The following GRM3 variants were observed in gnomAD, a reference collection of about 807,000 sequenced individuals.
GRM3 encodes the protein glutamate metabotropic receptor 3.
A neutral mutation model predicts 70.5 loss-of-function variants in GRM3; 26 were observed. That is an observed-to-expected ratio of 0.37 (90% CI 0.27 to 0.51). GRM3 has a LOEUF of 0.51. GRM3 is among the 20% of genes least tolerant of loss of function. The probability of loss-of-function intolerance (pLI) is 0.93; values close to 1 mark genes in which losing one functional copy is unlikely to be tolerated. For synonymous variants in GRM3, 443 were observed against 434.9 expected (o/e 1.02, Z -0.23); for missense variants, 859 against 1,123.8 (o/e 0.76, Z 3.37).
chr7:86,759,324 A>G (rs1420030091), intron 1 of GRM3, among the ~76,000 whole-genome samples: 2 of 152,186 alleles, frequency 1.3e-5, no homozygotes, highest in African/African-American at 4.8e-5. Context: ...ACAAAGTCAG[A>G]TCAAAGATAT....
At chr7:86,767,516 TATA>T (rs1796631594) in intron 2 of GRM3, among the ~76,000 whole-genome samples, 2 of 1,056 alleles carry the variant, frequency 1.9e-3, no homozygotes, top group Admixed American at 0.013. Context: ...TCATACTTCA[TATA>T]TATATATATA....
At chr7:86,743,014 T>C (rs759501760) in intron 1 of GRM3, among the ~76,000 whole-genome samples, 8 of 152,176 alleles carry the variant, frequency 5.3e-5, no homozygotes, top group Non-Finnish European at 1.0e-4. Flanking sequence ...AAGTATTAAA[T>C]AACTTCCTCA....
intron 3 of GRM3, among the ~76,000 whole-genome samples, chr7:86,822,437 C>A (rs1798141402): frequency 6.6e-6 from 1 of 151,854 alleles, no homozygotes; most frequent in Non-Finnish European, 1.5e-5. Context: ...CAAGCAGAAG[C>A]AATATTTGTG....
chr7:86,743,174 T>C (rs2116328257), intron 1 of GRM3, among the ~76,000 whole-genome samples: 1 of 152,274 alleles, frequency 6.6e-6, no homozygotes, highest in East Asian at 1.9e-4. Flanking sequence ...AAAATACAAA[T>C]AATATAGTAA....
rs553360377 is a variant in GRM3, at chr7:86,744,098, C to T, written c.-140-20908C>T. Among the ~76,000 whole-genome samples the T allele has an allele frequency of 3.3e-5, 5 of 152,162 alleles. No homozygotes were observed. The South Asian group carries it at 1.0e-3, about 32-fold the overall frequency. Reference sequence around the variant, plus strand: ...GTTACCTCTCTAATCTAGCTCCTCTCCTTATGAATCCACTATACGAAGCAT... The same window carrying T: ...GTTACCTCTCTAATCTAGCTCCTCTTCTTATGAATCCACTATACGAAGCAT... On this transcript the variant is annotated intron_variant, in intron 1 of 5. Coordinates refer to ENST00000361669, the MANE Select transcript of GRM3 (RefSeq NM_000840.3).
At chr7:86,705,846 A>T (rs1015853785) in intron 1 of GRM3, among the ~76,000 whole-genome samples, 1 of 152,012 alleles carries the variant, frequency 6.6e-6, no homozygotes, top group Non-Finnish European at 1.5e-5. Context: ...TTGTCTTTGA[A>T]CCATTAATTT....
At chr7:86,817,851 A>T (rs1325300016) in intron 3 of GRM3, among the ~76,000 whole-genome samples, 1 of 152,040 alleles carries the variant, frequency 6.6e-6, no homozygotes, top group Non-Finnish European at 1.5e-5. Context: ...AACACCACTA[A>T]ATCTATCCAG....
chr7:86,661,158 A>C (rs971649453), intron 1 of GRM3, among the ~76,000 whole-genome samples: 3 of 151,990 alleles, frequency 2.0e-5, no homozygotes, highest in Non-Finnish European at 4.4e-5. Context: ...GACCATGGAC[A>C]GAGGCCTAAG....
Position 86,668,427 on chromosome 7 carries a change from A to G in GRM3, c.-141+23555A>G, listed in dbSNP as rs577043432. 7.9e-4 allele frequency among the ~76,000 whole-genome samples: 121 copies of G among 152,252 alleles called. No individual in the cohort carries two copies. In the Middle Eastern group the frequency reaches 0.017, roughly 22 times the overall value. On this transcript the variant is annotated intron_variant, in intron 1 of 5. Coordinates refer to ENST00000361669, the MANE Select transcript of GRM3 (RefSeq NM_000840.3). ...TCACATTGGCTTTAAAGTGATTTAAATTAATTCTAACCACCCCCTCTATCC... is the reference window on the plus strand; with the variant it reads ...TCACATTGGCTTTAAAGTGATTTAAGTTAATTCTAACCACCCCCTCTATCC...
chr7:86,816,038 C>T (rs1417444606), intron 3 of GRM3, among the ~76,000 whole-genome samples: 2 of 151,868 alleles, frequency 1.3e-5, no homozygotes, highest in South Asian at 2.1e-4. Context: ...ATAAGAATGG[C>T]CAGGTAAAGT....
chr7:86,767,514 C>CATATATATAT (rs3057233), intron 2 of GRM3, among the ~76,000 whole-genome samples: 5 of 100,132 alleles, frequency 5.0e-5, no homozygotes, highest in Non-Finnish European at 8.6e-5. Flanking sequence ...GGTCATACTT[C>CATATATATAT]ATATATATAT....
At chr7:86,656,830 T>C (rs73704955) in intron 1 of GRM3, among the ~76,000 whole-genome samples, 2,132 of 152,214 alleles carry the variant, frequency 0.014, 52 homozygotes, top group African/African-American at 0.049. Flanking sequence ...TAAAGACTTA[T>C]AGGAATCAAT....
intron 3 of GRM3, among the ~76,000 whole-genome samples, chr7:86,822,489 G>C (rs189901473): frequency 6.6e-6 from 1 of 152,148 alleles, no homozygotes; most frequent in East Asian, 1.9e-4. Flanking sequence ...GTGGTACAGA[G>C]AAGAAAGGGC....
intron 1 of GRM3, among the ~76,000 whole-genome samples, chr7:86,679,097 C>T (rs1227397809): frequency 2.0e-5 from 3 of 151,916 alleles, no homozygotes; most frequent in Admixed American, 1.3e-4. Context: ...TCATGTAACC[C>T]TTGATTCATC....
chr7:86,692,069 C>T (rs900623376), intron 1 of GRM3, among the ~76,000 whole-genome samples: 3 of 152,072 alleles, frequency 2.0e-5, no homozygotes, highest in Middle Eastern at 3.4e-3. Context: ...AGTCTGGGCC[C>T]GAATCAAAAA....
At chr7:86,661,485 C>T (rs1333753291) in intron 1 of GRM3, among the ~76,000 whole-genome samples, 4 of 151,796 alleles carry the variant, frequency 2.6e-5, no homozygotes, top group South Asian at 2.1e-4. Flanking sequence ...AGAAAATAAG[C>T]GAGGTATAGT....
chr7:86,861,235 G>A (rs1264001388), intron 5 of GRM3, among the ~76,000 whole-genome samples: 3 of 152,120 alleles, frequency 2.0e-5, no homozygotes, highest in African/African-American at 7.2e-5. Context: ...CATTTCTTTA[G>A]TTTAAAAGAT....
At chr7:86,733,957 C>A (rs1795798505) in intron 1 of GRM3, among the ~76,000 whole-genome samples, 1 of 152,244 alleles carries the variant, frequency 6.6e-6, no homozygotes. Context: ...TGTGTGCCTG[C>A]ACTCCAAACT....
intron 1 of GRM3, among the ~76,000 whole-genome samples, chr7:86,676,173 C>A (rs1269047260): frequency 1.3e-5 from 2 of 151,726 alleles, no homozygotes; most frequent in African/African-American, 4.8e-5. Context: ...TTATATAATT[C>A]CAAGCCAAGA....
Sources: gnomAD v4.1 joint callset for allele counts (sites outside exome capture counted in the v4.1 genomes callset) on GRCh38, gnomAD v4.1.1 for gene constraint, MANE v1.5 for transcripts, NCBI Gene and HGNC (gene_info 2026-07-23, HGNC 2026-07-21) for gene names.